PRDM2: variants seen among roughly 807,000 people sequenced by gnomAD.
The protein encoded by PRDM2 is PR/SET domain 2.
PRDM2 carries 30 observed loss-of-function variants against 130.0 expected under a neutral mutation model. That is an observed-to-expected ratio of 0.23 (90% CI 0.17 to 0.31). The LOEUF is 0.31. PRDM2 is among the 10% of genes least tolerant of loss of function. PRDM2 has a pLI of 1.00. For missense variants in PRDM2, 2,011 were observed against 2,108.4 expected (o/e 0.95, Z 0.90); for synonymous variants, 871 against 782.4 (o/e 1.11, Z -1.89).
chr1:13,740,796 C>G (rs764853999), intron 4 of PRDM2, among the ~76,000 whole-genome samples: 3 of 152,168 alleles, frequency 2.0e-5, no homozygotes, highest in African/African-American at 7.2e-5. Flanking sequence ...TGTTAGGGCC[C>G]GGTAAGGTGG....
At chr1:13,814,774 G>T (rs1012133028) in intron 8 of PRDM2, among the ~76,000 whole-genome samples, 1 of 152,176 alleles carries the variant, frequency 6.6e-6, no homozygotes, top group African/African-American at 2.4e-5. Flanking sequence ...GTTCCCGCAG[G>T]CAGAGCTGGC....
chr1:13,786,589 A>G, intron 8 of PRDM2: 3 of 1,601,112 alleles, frequency 1.9e-6, no homozygotes, highest in Non-Finnish European at 2.5e-6. Context: ...TCAACTTAGG[A>G]TAAGCACTAC....
intron 6 of PRDM2, among the ~76,000 whole-genome samples, chr1:13,760,207 T>G (rs1037137536): frequency 5.9e-5 from 9 of 152,180 alleles, no homozygotes; most frequent in African/African-American, 2.2e-4. Flanking sequence ...CCTTTTAAGT[T>G]TTAAAGACAG....
chr1:13,782,759 T>C lies in PRDM2; in HGVS notation c.4964T>C (p.Leu1655Pro). 6.2e-7 allele frequency: 1 copy of C among 1,612,186 alleles called. No homozygotes were observed. The highest frequency in any genetic ancestry group is 1.3e-5 in the African/African-American group (1 of 74,786). The change falls in exon 8 of 10, where the codon CTG becomes CCG. Residue 1655 changes from leucine (L) to proline (P), a missense_variant. By Grantham distance (98) the Leu-to-Pro change is moderately conservative (BLOSUM62 -3). Coordinates refer to ENST00000311066, the MANE Select transcript of PRDM2 (RefSeq NM_001393986.1). ...SGGPVTRSLQ[L>P]AAAADLSENK... ...GGGCCAGTCACCCGGAGCCTTCAGCTGGCAGCTGCTGCTGACTTGAGTGAG... is the reference window on the plus strand; with the variant it reads ...GGGCCAGTCACCCGGAGCCTTCAGCCGGCAGCTGCTGCTGACTTGAGTGAG...
intron 2 of PRDM2, among the ~76,000 whole-genome samples, chr1:13,723,249 A>G: frequency 6.6e-6 from 1 of 152,168 alleles, no homozygotes; most frequent in Non-Finnish European, 1.5e-5. Context: ...AAAGCACTGC[A>G]CTGTCCCCTC....
chr1:13,764,509 A>T (rs1644178700), intron 6 of PRDM2, among the ~76,000 whole-genome samples: 2 of 152,322 alleles, frequency 1.3e-5, no homozygotes, highest in South Asian at 4.1e-4. Context: ...GAATTTGGTG[A>T]AGTTTGTTTG....
intron 1 of PRDM2, among the ~76,000 whole-genome samples, chr1:13,713,138 G>GGTAGAGACAGAC (rs1557593662): frequency 6.6e-6 from 1 of 151,880 alleles, no homozygotes; most frequent in Non-Finnish European, 1.5e-5. Context: ...TTTGCATAGA[G>GGTAGAGACAGAC]ATTGTAGTAA....
chr1:13,714,086 G>C (rs1265294820), intron 1 of PRDM2, among the ~76,000 whole-genome samples: 5 of 152,120 alleles, frequency 3.3e-5, no homozygotes, highest in African/African-American at 1.2e-4. Flanking sequence ...AGCCAGGATG[G>C]TCTCGATCTC....
chr1:13,740,365 C>A (rs1643400649), intron 4 of PRDM2, among the ~76,000 whole-genome samples: 1 of 152,110 alleles, frequency 6.6e-6, no homozygotes, highest in African/African-American at 2.4e-5. Flanking sequence ...GCCATCACTG[C>A]AGTAAATTAA....
chr1:13,780,972 C>G lies in PRDM2; in HGVS notation c.3177C>G (p.Ser1059=). ...PTLSSSSSSS[S]SSSSFSSSSS... is the part of the protein sequence containing the mutation. ...TTTCTTCTTCCTCCTCTTCATCTTC[C>G]TCCTCCTCTTCGTTTTCTTCTTCAT... The change falls in exon 8 of 10, where the codon TCC becomes TCG. Residue 1059 remains serine, a synonymous_variant. Coordinates refer to ENST00000311066, the MANE Select transcript of PRDM2 (RefSeq NM_001393986.1). 1 of 1,602,704 alleles carries G rather than the reference C, an allele frequency of 6.2e-7. No homozygotes were observed. Among genetic ancestry groups the G allele is most frequent in the Non-Finnish European group, 8.5e-7 (1 of 1,169,946 alleles).
chr1:13,816,408 T>C lies in PRDM2; in HGVS notation c.5037-19T>C. 1 of 1,613,774 alleles carries C rather than the reference T, an allele frequency of 6.2e-7. No individual in the cohort carries two copies. Among genetic ancestry groups the C allele is most frequent in the Non-Finnish European group, 8.5e-7 (1 of 1,179,886 alleles). The stretch of plus-strand genomic sequence containing the variant: ...GCTGGGCTCCTGTGACAATGTGTGT[T>C]GTTCCTCTTCCTGCACAGCTACAGC... On this transcript the variant is annotated intron_variant, in intron 8 of 9. Transcript: ENST00000311066.
At chr1:13,743,589 T>C (rs573480987) in intron 5 of PRDM2, among the ~76,000 whole-genome samples, 2 of 152,310 alleles carry the variant, frequency 1.3e-5, no homozygotes, top group East Asian at 3.9e-4. Flanking sequence ...GAGAATAGTC[T>C]ATGGAAAAAA....
intron 2 of PRDM2, among the ~76,000 whole-genome samples, chr1:13,718,291 T>A (rs986277378): frequency 6.6e-6 from 1 of 152,212 alleles, no homozygotes; most frequent in Non-Finnish European, 1.5e-5. Flanking sequence ...CTGTTTCTTA[T>A]GATGGGTATG....
chr1:13,799,398 T>C (rs1644972379), intron 8 of PRDM2, among the ~76,000 whole-genome samples: 1 of 148,836 alleles, frequency 6.7e-6, no homozygotes, highest in South Asian at 2.1e-4. Flanking sequence ...TGAGCTGAGA[T>C]CGCGCCATTG....
intron 8 of PRDM2, among the ~76,000 whole-genome samples, chr1:13,801,837 C>G (rs1325571739): frequency 2.0e-5 from 3 of 152,204 alleles, no homozygotes; most frequent in African/African-American, 7.2e-5. Context: ...CATGCGCCAC[C>G]TGGCCGTCAT....
At chr1:13,739,225 T>C (rs925956397) in intron 4 of PRDM2, among the ~76,000 whole-genome samples, 1 of 152,064 alleles carries the variant, frequency 6.6e-6, no homozygotes, top group African/African-American at 2.4e-5. Flanking sequence ...TTTTTTGTAT[T>C]TTTAGTAGAG....
intron 8 of PRDM2, among the ~76,000 whole-genome samples, chr1:13,799,560 C>T (rs1644975971): frequency 6.6e-6 from 1 of 152,064 alleles, no homozygotes; most frequent in South Asian, 2.1e-4. Context: ...ATAAAACATA[C>T]AGTTGAAACC....
intron 1 of PRDM2, among the ~76,000 whole-genome samples, chr1:13,702,131 G>T (rs375958916): frequency 6.6e-6 from 1 of 152,034 alleles, no homozygotes; most frequent in Non-Finnish European, 1.5e-5. Flanking sequence ...TGTCTCTCTT[G>T]GTGTGGATAT....
chr1:13,820,284 C>A (rs533326558), intron 9 of PRDM2, among the ~76,000 whole-genome samples: 1 of 152,210 alleles, frequency 6.6e-6, no homozygotes, highest in African/African-American at 2.4e-5. Context: ...CTTCGTCACC[C>A]GTCTCCCGGA....
Sources: gnomAD v4.1 joint callset for allele counts (sites outside exome capture counted in the v4.1 genomes callset) on GRCh38, gnomAD v4.1.1 for gene constraint, MANE v1.5 for transcripts, NCBI Gene and HGNC (gene_info 2026-07-23, HGNC 2026-07-21) for gene names.